Variants in KCNH3 observed in about 807,000 individuals in gnomAD.
KCNH3 encodes the protein voltage-gated inwardly rectifying potassium channel KCNH3.
A neutral mutation model predicts 95.6 loss-of-function variants in KCNH3; 36 were observed. The ratio of observed to expected loss-of-function variants is 0.38; its 90% CI spans 0.29 to 0.50. The LOEUF is 0.50. KCNH3 is among the 20% of genes least tolerant of loss of function. The probability of loss-of-function intolerance (pLI) is 0.95; values close to 1 mark genes in which losing one functional copy is unlikely to be tolerated. For missense variants in KCNH3, 1,030 were observed against 1,484.1 expected (o/e 0.69, Z 5.03); for synonymous variants, 620 against 646.3 (o/e 0.96, Z 0.62).
chr12:49,552,552 C>CT (rs1359286210), intron 10 of KCNH3, among the ~76,000 whole-genome samples: 1 of 152,200 alleles, frequency 6.6e-6, no homozygotes, highest in African/African-American at 2.4e-5. Flanking sequence ...CCTCACCTAC[C>CT]TTTTTACTCG....
intron 7 of KCNH3, among the ~76,000 whole-genome samples, chr12:49,548,281 T>C (rs1363834793): frequency 2.6e-5 from 4 of 152,204 alleles, no homozygotes; most frequent in Admixed American, 2.6e-4. Context: ...AGTGGCTGTG[T>C]TGAGGCGCCT....
chr12:49,555,795 G>A lies in KCNH3; in HGVS notation c.2312G>A (p.Arg771His), dbSNP rs368671377. ...SSSAAKLLSP[R>H]RTAPRPRLGG... Reference sequence around the variant, plus strand: ...TCAGCTGCCAAGCTGCTATCCCCACGTCGAACAGCACCCCGGCCTCGTCTA... The same window carrying A: ...TCAGCTGCCAAGCTGCTATCCCCACATCGAACAGCACCCCGGCCTCGTCTA... The change falls in exon 12 of 15, where the codon CGT becomes CAT. Residue 771 changes from arginine to histidine, a missense_variant. By Grantham distance (29) the Arg-to-His change is conservative. This residue lies in a region of KCNH3 where 464 missense variants were observed against 493.2 expected (regional missense o/e 0.94). Coordinates refer to ENST00000257981, the MANE Select transcript of KCNH3 (RefSeq NM_012284.3). 54 of 1,613,438 alleles carry A rather than the reference G, an allele frequency of 3.3e-5. No individual in the cohort carries two copies. The highest frequency in any genetic ancestry group is 1.8e-4 in the Admixed American group (11 of 59,958).
chr12:49,557,683 G>T lies in KCNH3; in HGVS notation c.2982G>T (p.Trp994Cys). Residue 994 changes from tryptophan to cysteine, a missense_variant, in exon 15 of 15, where the codon TGG (tryptophan) becomes TGT (cysteine). Trp to Cys is a radical substitution (Grantham distance 215). Transcript: ENST00000257981. The part of the protein sequence containing the change: ...SSPWPRATAF[W>C]TSTSDSEPPA... ...CCTGGCCTCGAGCCACAGCTTTCTG[G>T]ACCTCCACCTCAGACTCAGAGCCCC... 1 of 1,613,788 alleles carries T rather than the reference G, an allele frequency of 6.2e-7. No homozygotes were observed. Among genetic ancestry groups the T allele is most frequent in the Non-Finnish European group, 8.5e-7 (1 of 1,179,994 alleles).
In KCNH3 at chr12:49,539,769, C is replaced by G. The variant is rs934326051; in HGVS notation, c.76+277C>G. On this transcript the variant is annotated intron_variant, in intron 1 of 14. Transcript: ENST00000257981. This position sits in a 1 kb window ranked among gnomAD's most constrained non-coding sequence, Gnocchi z 6.7. ...CTCTCTGTTAGCCGGGTCTCGAACC[C>G]GAACCTAGTCAGTCTGACCCATCCC... Among the ~76,000 whole-genome samples the G allele has an allele frequency of 6.6e-6, 1 of 152,178 alleles. No individual in the cohort carries two copies. The highest frequency in any genetic ancestry group is 2.1e-4 in the South Asian group (1 of 4,828).
intron 3 of KCNH3, 78 bp downstream of exon 3, chr12:49,541,842 CG>C: frequency 2.0e-6 from 3 of 1,520,674 alleles, no homozygotes; most frequent in Admixed American, 1.9e-5. Context: ...AGTCTGAGTA[CG>C]GGGGTCCCCC....
At position 49,543,295 on chromosome 12, in the gene KCNH3, A is replaced by G; in HGVS notation, c.600A>G (p.Pro200=). The change falls in exon 5 of 15, where the codon CCA becomes CCG. Residue 200 remains proline (P), a synonymous_variant. Transcript: ENST00000257981. ...KLNKGVFGEK[P]NLPEYKVAAI... ...CTCAGGGGGTGTTTGGGGAGAAACC[A>G]AACTTGCCTGAGTACAAAGTAGCCG... The G allele has an allele frequency of 6.2e-7, 1 of 1,613,670 alleles. No homozygotes were observed. The highest frequency in any genetic ancestry group is 2.2e-5 in the East Asian group (1 of 44,882).
Position 49,550,187 on chromosome 12 carries a change from G to A in KCNH3, c.1776G>A (p.Arg592=). 6.2e-7 allele frequency: 1 copy of A among 1,609,720 alleles called. No homozygotes were observed. Among genetic ancestry groups the A allele is most frequent in the Non-Finnish European group, 8.5e-7 (1 of 1,179,808 alleles). The part of the protein sequence containing the change: ...LFEAASRGCL[R]ALSLALRPAF... ...AGGCGGCCAGCCGCGGCTGCCTGCG[G>A]GCACTGTCTCTGGCCCTGCGGCCCG... The change falls in exon 10 of 15, where the codon CGG becomes CGA. Residue 592 remains arginine (R), a synonymous_variant. Coordinates refer to ENST00000257981, the MANE Select transcript of KCNH3 (RefSeq NM_012284.3).
At position 49,557,205 on chromosome 12, in the gene KCNH3, C is replaced by T; in HGVS notation, c.2598C>T (p.Pro866=). ...PGPESGLLTV[P]HGPSEARNTD... is the part of the protein sequence containing the mutation. ...CAGAGAGCGGCCTGCTCACTGTTCC[C>T]CATGGGCCCAGCGAGGCAAGGAACA... is the stretch of plus-strand genomic sequence containing the variant. The change falls in exon 14 of 15, where the codon CCC becomes CCT. Residue 866 remains proline, a synonymous_variant. Coordinates refer to ENST00000257981, the MANE Select transcript of KCNH3 (RefSeq NM_012284.3). 1 of 1,613,984 alleles carries T rather than the reference C, an allele frequency of 6.2e-7. No homozygotes were observed. Among genetic ancestry groups the T allele is most frequent in the Non-Finnish European group, 8.5e-7 (1 of 1,179,964 alleles).
At chr12:49,551,682 T>C (rs1257508386) in intron 10 of KCNH3, among the ~76,000 whole-genome samples, 1 of 146,878 alleles carries the variant, frequency 6.8e-6, no homozygotes, top group Admixed American at 6.8e-5. Flanking sequence ...ATGTGACCGG[T>C]GTGGGTAGTC....
Position 49,557,365 on chromosome 12 carries a change from G to T in KCNH3, c.2664G>T (p.Leu888=), listed in dbSNP as rs755572883. ...TCCCTCCCCCAAAGGTGACAGAGCT[G>T]TCAGAGCAGGTGCTGCAGATGCGGG... ...LDKLRQAVTE[L]SEQVLQMREG... Residue 888 remains leucine, a synonymous_variant, in exon 15 of 15, where the codon CTG becomes CTT. Transcript: ENST00000257981. 1.2e-5 allele frequency: 20 copies of T among 1,605,210 alleles called. No individual in the cohort carries two copies. In the East Asian group the frequency reaches 4.2e-4, roughly 34 times the overall value.
intron 9 of KCNH3, 48 bp downstream of exon 9, chr12:49,549,688 T>G (rs1592505198): frequency 1.3e-6 from 2 of 1,536,622 alleles, no homozygotes; most frequent in South Asian, 1.1e-5. Flanking sequence ...CCTCAGGGGG[T>G]TTGCAATAGC....
At chr12:49,553,772 T>C (rs1448673628) in intron 10 of KCNH3, among the ~76,000 whole-genome samples, 1 of 152,226 alleles carries the variant, frequency 6.6e-6, no homozygotes, top group Admixed American at 6.5e-5. Flanking sequence ...GCATCTCTTG[T>C]AGAGCAGAGG....
chr12:49,557,795 C>T lies in KCNH3; in HGVS notation c.3094C>T (p.Pro1032Ser). 1 of 1,606,134 alleles carries T rather than the reference C, an allele frequency of 6.2e-7. No homozygotes were observed. The highest frequency in any genetic ancestry group is 8.5e-7 in the Non-Finnish European group (1 of 1,174,812). ...EEGARTGPAE[P>S]VSQAEATSTG... ...AGGGGCTAGGACTGGGCCCGCAGAG[C>T]CTGTGAGCCAGGCTGAGGCTACCAG... Residue 1032 changes from proline (P) to serine (S), a missense_variant, in exon 15 of 15, where the codon CCT becomes TCT. Physicochemically the swap from Pro to Ser is moderately conservative, Grantham distance 74 (BLOSUM62 -1). Transcript: ENST00000257981.
intron 8 of KCNH3, 81 bp downstream of exon 8, chr12:49,549,254 C>G (rs2138152728): frequency 6.7e-7 from 1 of 1,501,514 alleles, no homozygotes; most frequent in South Asian, 1.3e-5. Context: ...CCCCGGAGGG[C>G]CTGAGGCCGG....
intron 11 of KCNH3, 132 bp downstream of exon 11, chr12:49,554,686 G>T (rs921890183): frequency 1.7e-5 from 13 of 758,366 alleles, no homozygotes; most frequent in Admixed American, 1.1e-4. Flanking sequence ...CTTGGGCAGG[G>T]GTCTACACCC....
chr12:49,550,043 T>TAGCCCCCC, intron 9 of KCNH3, 37 bp from the exon 10 acceptor site: 5 of 1,299,540 alleles, frequency 3.8e-6, no homozygotes, highest in Non-Finnish European at 5.3e-6. Context: ...CTTCTGCCAC[T>TAGCCCCCC]CCCAACCCCC....
At position 49,543,514 on chromosome 12, in the gene KCNH3, C is replaced by A. The variant is rs117899362; in HGVS notation, c.819C>A (p.Ile273=). 3 of 1,595,930 alleles carry A rather than the reference C, an allele frequency of 1.9e-6. No homozygotes were observed. The highest frequency in any genetic ancestry group is 2.5e-6 in the Non-Finnish European group (3 of 1,176,990). The change falls in exon 5 of 15, where the codon ATC becomes ATA. Residue 273 remains isoleucine, a synonymous_variant. Coordinates refer to ENST00000257981, the MANE Select transcript of KCNH3 (RefSeq NM_012284.3). ...ACCTGGCCGTGGAGGTCCTCTTCAT[C>A]CTTGGTGCGTGCACTCTGCCCCTTC... is the stretch of plus-strand genomic sequence containing the variant. The part of the protein sequence containing the change: ...VCDLAVEVLF[I]LDIVLNFRTT...
At chr12:49,540,582 A>G (rs1937837545) in intron 1 of KCNH3, among the ~76,000 whole-genome samples, 1 of 152,112 alleles carries the variant, frequency 6.6e-6, no homozygotes, top group Admixed American at 6.5e-5. Context: ...GGCAGTCCTC[A>G]TTAGGGATTC....
At position 49,555,831 on chromosome 12, in the gene KCNH3, G is replaced by A; in HGVS notation, c.2348G>A (p.Gly783Glu). Residue 783 changes from glycine to glutamate, a missense_variant, in exon 12 of 15, where the codon GGG (glycine) becomes GAG (glutamate). Transcript: ENST00000257981. Reference protein sequence around the residue: ...TAPRPRLGGRGRPGRAGALKA... With the variant: ...TAPRPRLGGRERPGRAGALKA... ...CCCCGGCCTCGTCTAGGTGGCAGAGGGAGGCCAGGCAGGGCAGGGGCTTTG... is the reference window on the plus strand; with the variant it reads ...CCCCGGCCTCGTCTAGGTGGCAGAGAGAGGCCAGGCAGGGCAGGGGCTTTG... 3 of 1,613,312 alleles carry A rather than the reference G, an allele frequency of 1.9e-6. No homozygotes were observed. Among genetic ancestry groups the A allele is most frequent in the Non-Finnish European group, 2.5e-6 (3 of 1,179,854 alleles).
Sources: gnomAD v4.1 joint callset for allele counts (sites outside exome capture counted in the v4.1 genomes callset) on GRCh38, gnomAD v4.1.1 for gene constraint, gnomAD v4.1.1 regional missense constraint, Gnocchi (gnomAD v3.1) non-coding constraint, MANE v1.5 for transcripts, NCBI Gene and HGNC (gene_info 2026-07-23, HGNC 2026-07-21) for gene names.